Variants in NT5DC1 observed in about 807,000 individuals in gnomAD.
NT5DC1 encodes 5'-nucleotidase domain containing 1, also known as 5'-nucleotidase domain-containing protein 1.
A neutral mutation model predicts 59.4 loss-of-function variants in NT5DC1; 42 were observed. The observed-to-expected ratio is 0.71, with a 90% confidence interval of 0.55 to 0.92. NT5DC1 has a LOEUF of 0.92. Among genes scored for constraint, NT5DC1 ranks in the 40% least tolerant of loss-of-function variants. The pLI is 0.00. For synonymous variants in NT5DC1, 172 were observed against 188.1 expected (o/e 0.91, Z 0.70); for missense variants, 501 against 537.1 (o/e 0.93, Z 0.66).
At chr6:116,178,902 T>G (rs550066013) in intron 6 of NT5DC1, among the ~76,000 whole-genome samples, 1 of 152,216 alleles carries the variant, frequency 6.6e-6, no homozygotes, top group South Asian at 2.1e-4. Flanking sequence ...TTACTCGATA[T>G]GCATTTCCAG....
chr6:116,210,644 G>A (rs1358737560), intron 6 of NT5DC1, among the ~76,000 whole-genome samples: 1 of 151,670 alleles, frequency 6.6e-6, no homozygotes, highest in Admixed American at 6.6e-5. Flanking sequence ...AACTGTGTTT[G>A]GCAAAAATAA....
At position 116,239,046 on chromosome 6, in the gene NT5DC1, C is replaced by G; in HGVS notation, c.1175C>G (p.Ser392Cys). 1 of 1,609,496 alleles carries G rather than the reference C, an allele frequency of 6.2e-7. No individual in the cohort carries two copies. Residue 392 changes from serine to cysteine, a missense_variant, in exon 11 of 12, where the codon TCC becomes TGC. Transcript: ENST00000319550. ...TTGGGACTGGAAAATACAGAAGACT[C>G]CTTGGTTTATACATGGTCTTGTAAG... ...SVLGLENTED[S>C]LVYTWSCKRI...
intron 6 of NT5DC1, among the ~76,000 whole-genome samples, chr6:116,140,697 T>G (rs761852181): frequency 2.0e-5 from 3 of 152,182 alleles, no homozygotes; most frequent in African/African-American, 4.8e-5. Context: ...AATGTTTTTC[T>G]TGCATGTTTT....
At chr6:116,216,801 A>C (rs1162936444) in intron 6 of NT5DC1, among the ~76,000 whole-genome samples, 2 of 152,184 alleles carry the variant, frequency 1.3e-5, no homozygotes, top group Non-Finnish European at 2.9e-5. Context: ...CTCTTAGCAA[A>C]GAAGTTTCTT....
At chr6:116,130,572 C>G (rs1162213163) in intron 6 of NT5DC1, among the ~76,000 whole-genome samples, 1 of 152,070 alleles carries the variant, frequency 6.6e-6, no homozygotes, top group East Asian at 1.9e-4. Flanking sequence ...GTCTGAGTGC[C>G]TGGATGTCTG....
chr6:116,103,558 C>T (rs1232505860), intron 1 of NT5DC1, among the ~76,000 whole-genome samples: 1 of 151,990 alleles, frequency 6.6e-6, no homozygotes, highest in Admixed American at 6.6e-5. Flanking sequence ...AGGTCAGAAC[C>T]TCGAGGTGAG....
Position 116,237,097 on chromosome 6 carries a change from T to C in NT5DC1, c.921+13T>C, listed in dbSNP as rs1218004684. ...ACCTGAACCCAAGGTATTTCCCAGT[T>C]GAGGAGAAGTCCTCAGTGCCCACTT... On this transcript the variant is annotated intron_variant, in intron 9 of 11. Transcript: ENST00000319550. 6.8e-7 allele frequency: 1 copy of C among 1,478,464 alleles called. No individual in the cohort carries two copies. Among genetic ancestry groups the C allele is most frequent in the South Asian group, 1.1e-5 (1 of 88,148 alleles). The allele number at this position is 1,478,464 out of a possible 1,614,324, so 91.6% of individuals were successfully genotyped here.
rs1294941065 is a variant in NT5DC1, at chr6:116,247,151, A to G, written c.*3127A>G. ...TAATGTCTTCCAATATTGAATCTAG[A>G]CTAGGGCAAATTCTCAGCCCAAAAC... On this transcript the variant is annotated 3_prime_UTR_variant, in exon 12 of 12. Coordinates refer to ENST00000319550, the MANE Select transcript of NT5DC1 (RefSeq NM_152729.3). The G allele has an allele frequency of 6.6e-6, 1 of 152,166 alleles. No homozygotes were observed. The highest frequency in any genetic ancestry group is 1.5e-5 in the Non-Finnish European group (1 of 68,010). The allele number at this position is 152,166 out of a possible 1,614,324, so 9.4% of individuals were successfully genotyped here.
At chr6:116,142,409 A>G (rs1779790397) in intron 6 of NT5DC1, among the ~76,000 whole-genome samples, 1 of 152,146 alleles carries the variant, frequency 6.6e-6, no homozygotes, top group Non-Finnish European at 1.5e-5. Context: ...TTCATTTTTT[A>G]CATTTAATTA....
intron 6 of NT5DC1, among the ~76,000 whole-genome samples, chr6:116,160,304 C>T (rs1780297711): frequency 6.6e-6 from 1 of 152,052 alleles, no homozygotes; most frequent in Admixed American, 6.5e-5. Context: ...TTCATAATAG[C>T]TATTCTGACT....
At chr6:116,149,619 A>G (rs1779984868) in intron 6 of NT5DC1, among the ~76,000 whole-genome samples, 1 of 152,184 alleles carries the variant, frequency 6.6e-6, no homozygotes, top group Non-Finnish European at 1.5e-5. Context: ...TTTATTGGAG[A>G]AATTGTTTTT....
intron 6 of NT5DC1, among the ~76,000 whole-genome samples, chr6:116,209,302 G>T (rs1200527218): frequency 6.6e-6 from 1 of 151,856 alleles, no homozygotes; most frequent in Non-Finnish European, 1.5e-5. Context: ...TTAGCTTGTG[G>T]GCTGTGGTTT....
rs536816966 is a variant in NT5DC1 at position 116,179,626 on chromosome 6, C to T, written c.530-41428C>T. ...CCTACTGAAATTAAATTGTTTTCAT[C>T]ATTCCCAGTGTTATCAAAAAGAATA... is the stretch of plus-strand genomic sequence containing the variant. On this transcript the variant is annotated intron_variant, in intron 6 of 11. Coordinates refer to ENST00000319550, the MANE Select transcript of NT5DC1 (RefSeq NM_152729.3). Among the ~76,000 whole-genome samples the T allele has an allele frequency of 1.8e-4, 27 of 152,192 alleles. No individual in the cohort carries two copies. The South Asian group carries it at 5.2e-3, about 29-fold the overall frequency.
At chr6:116,113,569 G>T (rs1272213970) in intron 4 of NT5DC1, among the ~76,000 whole-genome samples, 1 of 152,240 alleles carries the variant, frequency 6.6e-6, no homozygotes, top group Admixed American at 6.5e-5. Flanking sequence ...ATTGCAAGCA[G>T]CCTGGCCCAG....
chr6:116,171,818 G>A (rs1011388466), intron 6 of NT5DC1, among the ~76,000 whole-genome samples: 1 of 152,166 alleles, frequency 6.6e-6, no homozygotes, highest in African/African-American at 2.4e-5. Flanking sequence ...GCATAAATGT[G>A]CAATTTGTAA....
intron 6 of NT5DC1, among the ~76,000 whole-genome samples, chr6:116,207,486 G>A (rs1034915490): frequency 1.9e-4 from 29 of 151,580 alleles, no homozygotes; most frequent in African/African-American, 7.0e-4. Context: ...ATGCTTACCG[G>A]GTAAAGAGTT....
intron 6 of NT5DC1, among the ~76,000 whole-genome samples, chr6:116,135,044 G>T (rs566830558): frequency 6.6e-6 from 1 of 152,048 alleles, no homozygotes; most frequent in African/African-American, 2.4e-5. Context: ...TTACTCATCT[G>T]TACCCCATTT....
chr6:116,212,845 C>T (rs961974), intron 6 of NT5DC1, among the ~76,000 whole-genome samples: 2 of 152,072 alleles, frequency 1.3e-5, no homozygotes, highest in African/African-American at 2.4e-5. Flanking sequence ...GCTTTAAATA[C>T]TTGTTAATTT....
At chr6:116,163,135 AAAAAAAAT>A (rs1780377973) in intron 6 of NT5DC1, among the ~76,000 whole-genome samples, 1 of 98,572 alleles carries the variant, frequency 1.0e-5, no homozygotes, top group Non-Finnish European at 2.0e-5. Context: ...TCAAAAAAAA[AAAAAAAAT>A]ATATATATAT....
Sources: allele counts gnomAD v4.1 joint callset (sites outside exome capture counted in the v4.1 genomes callset), GRCh38; gene constraint gnomAD v4.1.1; transcripts MANE v1.5; gene names NCBI Gene and HGNC (gene_info 2026-07-23, HGNC 2026-07-21).